Variants in GSTA1 observed in about 807,000 individuals in gnomAD.
GSTA1 encodes the protein glutathione S-transferase alpha 1.
Under a neutral mutation model 21.5 loss-of-function variants are expected in GSTA1, and 23 were observed. The ratio of observed to expected loss-of-function variants is 1.07; its 90% confidence interval spans 0.77 to 1.52. The LOEUF (loss-of-function observed/expected upper bound fraction) is 1.52, where lower values mean the gene tolerates loss of function less well. Ranked by LOEUF, GSTA1 falls within the 40% of genes most tolerant of loss-of-function variation. GSTA1 has a pLI of 0.00. For missense variants in GSTA1, 301 were observed against 264.2 expected (o/e 1.14, Z -0.96); for synonymous variants, 125 against 90.0 (o/e 1.39, Z -2.20).
At chr6:52,798,714 TCTC>T (rs1467166395) in intron 2 of GSTA1, among the ~76,000 whole-genome samples, 1 of 141,140 alleles carries the variant, frequency 7.1e-6, no homozygotes, top group Non-Finnish European at 1.5e-5. Flanking sequence ...CCCACCTACT[TCTC>T]CTCTTGTAAT....
intron 4 of GSTA1, among the ~76,000 whole-genome samples, chr6:52,794,666 G>C (rs1249235044): frequency 6.6e-6 from 1 of 152,196 alleles, no homozygotes; most frequent in Non-Finnish European, 1.5e-5. Context: ...TCCTAAGAGA[G>C]TCCCTGGCAC....
intron 4 of GSTA1, among the ~76,000 whole-genome samples, chr6:52,795,777 C>A (rs1581794723): frequency 6.6e-6 from 1 of 152,106 alleles, no homozygotes; most frequent in East Asian, 1.9e-4. Context: ...GGGACCTTAG[C>A]TTTGGCGTCT....
At chr6:52,796,131 C>G in intron 4 of GSTA1, 51 bp downstream of exon 4, 6 of 1,610,664 alleles carry the variant, frequency 3.7e-6, no homozygotes, top group Non-Finnish European at 5.1e-6. Flanking sequence ...AAGGAAGGAC[C>G]TAAATCACTC....
intron 4 of GSTA1, among the ~76,000 whole-genome samples, chr6:52,795,110 A>C (rs200337386): frequency 6.6e-6 from 1 of 152,188 alleles, no homozygotes; most frequent in Middle Eastern, 3.4e-3. Context: ...CATTAGCAGT[A>C]TTCTTTTTTC....
chr6:52,794,547 A>C (rs931697007), intron 4 of GSTA1, among the ~76,000 whole-genome samples: 1 of 152,224 alleles, frequency 6.6e-6, no homozygotes. Context: ...TGGCAGAATC[A>C]CTGCCAGTAC....
chr6:52,803,422 G>A (rs569502709), intron 1 of GSTA1, among the ~76,000 whole-genome samples: 1 of 152,282 alleles, frequency 6.6e-6, no homozygotes, highest in South Asian at 2.1e-4. Context: ...TTACAATTGT[G>A]TGTTGACTAC....
rs531139869 is a variant in GSTA1 at position 52,792,786 on chromosome 6, G to A, written c.546+70C>T. On this transcript the variant is annotated intron_variant, in intron 6 of 6. Coordinates refer to ENST00000334575, the MANE Select transcript of GSTA1 (RefSeq NM_145740.5). ...AGACTGGGGCAAAACTTGGTCAGTC[G>A]CAGGGCCCAGATACAAGATCCCAAG... 1.4e-3 allele frequency: 2,269 copies of A among 1,611,058 alleles called. 7 individuals carry two copies. Among genetic ancestry groups the A allele is most frequent in the Non-Finnish European group, 1.8e-3 (2,075 of 1,178,096 alleles).
intron 2 of GSTA1, among the ~76,000 whole-genome samples, chr6:52,798,452 G>A (rs1399011968): frequency 8.9e-6 from 1 of 112,084 alleles, no homozygotes; most frequent in African/African-American, 3.5e-5. Context: ...AAGTGCTCAA[G>A]TAAATAATTG....
chr6:52,800,809 C>A (rs1763698085), intron 1 of GSTA1, among the ~76,000 whole-genome samples: 1 of 152,196 alleles, frequency 6.6e-6, no homozygotes, highest in Admixed American at 6.5e-5. Context: ...CATTAAGATT[C>A]TTCTTGCAAA....
In GSTA1 at chr6:52,794,113, T is replaced by C. The variant is rs201618048; in HGVS notation, c.414+12A>G. The C allele has an allele frequency of 1.2e-5, 20 of 1,613,506 alleles. No individual in the cohort carries two copies. Among genetic ancestry groups the C allele is most frequent in the Admixed American group, 3.3e-5 (2 of 59,976 alleles). On this transcript the variant is annotated intron_variant, in intron 5 of 6. Coordinates refer to ENST00000334575, the MANE Select transcript of GSTA1 (RefSeq NM_145740.5). ...AACTCAGTTCCCCAAAACACTGAAC[T>C]GCTTCACTTACTTTTTCAAAGGCAG... is the stretch of plus-strand genomic sequence containing the variant.
In GSTA1 at chr6:52,792,973, A is replaced by G. The variant is rs1131908; in HGVS notation, c.429T>C (p.His143=). ...TGTTGCCAACAAGGTAGTCTTGTCC[A>G]TGGCTCTTTAAGACCTGGAGAATGG... is the stretch of plus-strand genomic sequence containing the variant. ...FPAFEKVLKS[H]GQDYLVGNKL... Residue 143 remains histidine (H), a synonymous_variant, in exon 6 of 7, where the codon CAT becomes CAC. Coordinates refer to ENST00000334575, the MANE Select transcript of GSTA1 (RefSeq NM_145740.5). 147 of 1,614,046 alleles carry G rather than the reference A, an allele frequency of 9.1e-5. No homozygotes were observed. Among genetic ancestry groups the G allele is most frequent in the East Asian group, 7.4e-4 (33 of 44,866 alleles).
At chr6:52,799,527 T>C (rs973056009) in intron 1 of GSTA1, among the ~76,000 whole-genome samples, 1 of 152,196 alleles carries the variant, frequency 6.6e-6, no homozygotes, top group Non-Finnish European at 1.5e-5. Flanking sequence ...GTGACTTTTC[T>C]TGGCAGCATA....
At chr6:52,794,503 A>G (rs1763532853) in intron 4 of GSTA1, among the ~76,000 whole-genome samples, 1 of 152,210 alleles carries the variant, frequency 6.6e-6, no homozygotes, top group Non-Finnish European at 1.5e-5. Context: ...ATACAGGTAA[A>G]AAGAACGTCG....
In GSTA1 at chr6:52,791,755, T is replaced by C; in HGVS notation, c.*103A>G. The C allele has an allele frequency of 2.2e-6, 3 of 1,354,814 alleles. No homozygotes were observed. Among genetic ancestry groups the C allele is most frequent in the South Asian group, 2.6e-5 (2 of 77,998 alleles). 83.9% of individuals were successfully genotyped at this position (1,354,814 alleles called of 1,614,324 possible). A position where few individuals can be genotyped will look rare whatever the true frequency, so the allele number is the denominator to read the frequency against. On this transcript the variant is annotated 3_prime_UTR_variant, in exon 7 of 7. Transcript: ENST00000334575. ...TTAGCATATAATTTGAAAGAGTTCA[T>C]TAGCTTCACAACAGGCACAATCAAC...
chr6:52,794,099 C>T, intron 5 of GSTA1, 26 bp downstream of exon 5: 1 of 1,613,070 alleles, frequency 6.2e-7, no homozygotes, highest in African/African-American at 1.3e-5. Context: ...ACTCAGTTCC[C>T]CAAAACACTG....
intron 4 of GSTA1, among the ~76,000 whole-genome samples, chr6:52,795,106 C>T (rs547399913): frequency 2.3e-4 from 2 of 8,716 alleles, no homozygotes; most frequent in Middle Eastern, 0.083. Context: ...GTACCATTAG[C>T]AGTATTCTTT....
At chr6:52,799,878 T>C (rs1241933319) in intron 1 of GSTA1, among the ~76,000 whole-genome samples, 1 of 152,186 alleles carries the variant, frequency 6.6e-6, no homozygotes. Context: ...CCAGAGGATG[T>C]CACTGACAGG....
chr6:52,801,408 A>G (rs977899620), intron 1 of GSTA1, among the ~76,000 whole-genome samples: 5 of 152,240 alleles, frequency 3.3e-5, no homozygotes, highest in African/African-American at 1.2e-4. Context: ...TGGAAATAGC[A>G]TAATTTGACA....
chr6:52,795,869 C>G (rs1357981289), intron 4 of GSTA1, among the ~76,000 whole-genome samples: 1 of 152,162 alleles, frequency 6.6e-6, no homozygotes, highest in Admixed American at 6.5e-5. Flanking sequence ...CAGAGTCGAG[C>G]CTCTGAAGTC....
Sources: gnomAD v4.1 joint callset for allele counts (sites outside exome capture counted in the v4.1 genomes callset) on GRCh38, gnomAD v4.1.1 for gene constraint, MANE v1.5 for transcripts, NCBI Gene and HGNC (gene_info 2026-07-23, HGNC 2026-07-21) for gene names.